DNAH9: variants seen among roughly 807,000 people sequenced by gnomAD.
DNAH9 encodes dynein axonemal heavy chain 9.
Under a neutral mutation model 471.6 loss-of-function variants are expected in DNAH9, and 345 were observed. That is an observed-to-expected ratio of 0.73 (90% confidence interval 0.67 to 0.80). The LOEUF (loss-of-function observed/expected upper bound fraction) is 0.80, where lower values mean the gene tolerates loss of function less well. Among genes scored for constraint, DNAH9 ranks in the 30% least tolerant of loss-of-function variants. The probability of loss-of-function intolerance (pLI) is 0.00; values close to 1 mark genes in which losing one functional copy is unlikely to be tolerated. For missense variants in DNAH9, 5,407 were observed against 5,609.2 expected, an observed-to-expected ratio of 0.96 and a Z score of 1.15; for synonymous variants, 2,093 against 2,123.6, an observed-to-expected ratio of 0.99 and a Z score of 0.40.
intron 65 of DNAH9, 60 bp downstream of exon 65, chr17:11,934,131 C>A: frequency 6.5e-7 from 1 of 1,542,994 alleles, no homozygotes. Flanking sequence ...CTGGGTATTC[C>A]TCCCACGCCG....
At chr17:11,630,764 G>C (rs2073051363) in intron 7 of DNAH9, among the ~76,000 whole-genome samples, 1 of 151,964 alleles carries the variant, frequency 6.6e-6, no homozygotes, top group African/African-American at 2.4e-5. Flanking sequence ...TCGCCAAAAG[G>C]GTAGATCCTA....
intron 45 of DNAH9, 123 bp from the exon 46 acceptor site, chr17:11,821,797 A>C: frequency 3.9e-5 from 41 of 1,050,260 alleles, no homozygotes; most frequent in Non-Finnish European, 5.2e-5. Context: ...TTCACCAGCA[A>C]GAGAGTTGGT....
At chr17:11,870,956 C>T (rs1332685532) in intron 51 of DNAH9, among the ~76,000 whole-genome samples, 1 of 152,132 alleles carries the variant, frequency 6.6e-6, no homozygotes, top group East Asian at 1.9e-4. Flanking sequence ...ATGATGTTAT[C>T]ATTAGAAGAA....
intron 22 of DNAH9, among the ~76,000 whole-genome samples, chr17:11,697,773 C>T (rs1205940460): frequency 1.3e-5 from 2 of 151,906 alleles, no homozygotes; most frequent in Admixed American, 1.3e-4. Context: ...CAAGCTCTTC[C>T]ACCATATTTA....
intron 67 of DNAH9, among the ~76,000 whole-genome samples, chr17:11,947,895 C>T (rs1381783501): frequency 6.7e-6 from 1 of 148,918 alleles, no homozygotes; most frequent in African/African-American, 2.5e-5. Context: ...GATTCTCCTG[C>T]CTCAGCCTCC....
chr17:11,705,663 A>G (rs2074686775), intron 26 of DNAH9, among the ~76,000 whole-genome samples: 1 of 152,188 alleles, frequency 6.6e-6, no homozygotes, highest in Non-Finnish European at 1.5e-5. Flanking sequence ...GTCATTCAAC[A>G]GCAGAATAGC....
chr17:11,836,127 G>A (rs745933526), intron 49 of DNAH9, among the ~76,000 whole-genome samples: 5 of 152,204 alleles, frequency 3.3e-5, no homozygotes, highest in Non-Finnish European at 2.9e-5. Flanking sequence ...TGGGTGGGAT[G>A]CACCAGTAAT....
At chr17:11,708,002 CACACACACACACAGAGAGAGAGAG>C (rs1466141020) in intron 26 of DNAH9, among the ~76,000 whole-genome samples, 21 of 49,794 alleles carry the variant, frequency 4.2e-4, no homozygotes, top group African/African-American at 9.9e-4. Context: ...CACACACACA[CACACACACACACAGAGAGAGAGAG>C]AGAGAGAGAG....
At chr17:11,686,719 G>A (rs1389398661) in intron 19 of DNAH9, among the ~76,000 whole-genome samples, 2 of 152,138 alleles carry the variant, frequency 1.3e-5, no homozygotes, top group African/African-American at 2.4e-5. Flanking sequence ...ATAAATACTT[G>A]AGGAACCAAC....
At chr17:11,766,861 TC>T (rs1370902839) in intron 36 of DNAH9, among the ~76,000 whole-genome samples, 1 of 151,714 alleles carries the variant, frequency 6.6e-6, no homozygotes, top group African/African-American at 2.4e-5. Flanking sequence ...TCCCAGCTAC[TC>T]GGGAGGCTGA....
intron 11 of DNAH9, among the ~76,000 whole-genome samples, chr17:11,646,128 C>T (rs1031281992): frequency 6.6e-6 from 1 of 151,978 alleles, no homozygotes; most frequent in African/African-American, 2.4e-5. Context: ...ATCTGCCTGC[C>T]GTGGCCTCCT....
At chr17:11,897,086 T>C (rs1973245578) in intron 59 of DNAH9, among the ~76,000 whole-genome samples, 2 of 152,160 alleles carry the variant, frequency 1.3e-5, no homozygotes, top group African/African-American at 4.8e-5. Flanking sequence ...AAACTCCGTT[T>C]CAAAAAAATG....
At chr17:11,633,323 T>A (rs983484707) in intron 8 of DNAH9, among the ~76,000 whole-genome samples, 1 of 152,182 alleles carries the variant, frequency 6.6e-6, no homozygotes, top group African/African-American at 2.4e-5. Context: ...CAGTAGTTGG[T>A]AGAAGTTACA....
At chr17:11,698,272 A>T (rs2074526135) in intron 22 of DNAH9, among the ~76,000 whole-genome samples, 1 of 134,112 alleles carries the variant, frequency 7.5e-6, no homozygotes, top group South Asian at 2.2e-4. Context: ...TAATTATATA[A>T]TATATTATAT....
intron 26 of DNAH9, among the ~76,000 whole-genome samples, chr17:11,709,669 C>T (rs922592919): frequency 1.3e-5 from 2 of 152,118 alleles, no homozygotes; most frequent in African/African-American, 2.4e-5. Flanking sequence ...CACAGGATTT[C>T]GGCACCACAC....
chr17:11,866,893 G>A (rs1972076868), intron 50 of DNAH9, among the ~76,000 whole-genome samples: 1 of 152,210 alleles, frequency 6.6e-6, no homozygotes, highest in Admixed American at 6.5e-5. Context: ...ATTCGGGTGG[G>A]AGTGACCCGA....
At chr17:11,714,607 T>C (rs938305710) in intron 26 of DNAH9, among the ~76,000 whole-genome samples, 5 of 152,176 alleles carry the variant, frequency 3.3e-5, no homozygotes, top group East Asian at 1.9e-4. Context: ...TGTGATGATA[T>C]TATTCCCATG....
At chr17:11,662,470 G>C (rs1457568524) in intron 14 of DNAH9, among the ~76,000 whole-genome samples, 1 of 151,968 alleles carries the variant, frequency 6.6e-6, no homozygotes, top group Non-Finnish European at 1.5e-5. Flanking sequence ...TAGGTTTAAT[G>C]AATAGGCTTT....
intron 56 of DNAH9, among the ~76,000 whole-genome samples, chr17:11,885,205 G>A (rs1257062628): frequency 6.6e-6 from 1 of 152,160 alleles, no homozygotes; most frequent in Non-Finnish European, 1.5e-5. Flanking sequence ...TACAAAACAG[G>A]GCTGAGGGCT....
Sources: gnomAD v4.1 joint callset for allele counts (sites outside exome capture counted in the v4.1 genomes callset) on GRCh38, gnomAD v4.1.1 for gene constraint, MANE v1.5 for transcripts, NCBI Gene and HGNC (gene_info 2026-07-23, HGNC 2026-07-21) for gene names.